Variants in PLCL1 observed in about 807,000 individuals in gnomAD.
PLCL1 encodes the protein inactive phospholipase C-like protein 1.
A neutral mutation model predicts 84.4 loss-of-function variants in PLCL1; 41 were observed. The observed-to-expected ratio is 0.49, with a 90% confidence interval of 0.38 to 0.63. PLCL1 has a LOEUF of 0.63. Among genes scored for constraint, PLCL1 ranks in the 30% least tolerant of loss-of-function variants. The pLI is 0.00. For missense variants in PLCL1, 1,206 were observed against 1,367.8 expected (o/e 0.88, Z 1.87); for synonymous variants, 490 against 488.3 (o/e 1.00, Z -0.05).
At chr2:198,056,977 A>C (rs1692085929) in intron 1 of PLCL1, among the ~76,000 whole-genome samples, 1 of 152,180 alleles carries the variant, frequency 6.6e-6, no homozygotes, top group African/African-American at 2.4e-5. Flanking sequence ...TTGAGGATAT[A>C]GCACATTTTG....
chr2:198,146,694 G>A lies in PLCL1; in HGVS notation c.3106-86G>A, dbSNP rs753079422. The A allele has an allele frequency of 2.8e-6, 3 of 1,078,660 alleles. No homozygotes were observed. The South Asian group carries it at 5.8e-5, about 21-fold the overall frequency. 66.8% of individuals were successfully genotyped at this position (1,078,660 alleles called of 1,614,324 possible). The stretch of plus-strand genomic sequence containing the variant: ...TGGGTCTGTTTCCTTATTCAGCAAT[G>A]GGCAGTAAGAACATAGAGTGATGTC... On this transcript the variant is annotated intron_variant, in intron 5 of 5. Coordinates refer to ENST00000428675, the MANE Select transcript of PLCL1 (RefSeq NM_006226.4).
chr2:197,965,570 A>AT (rs1689711841), intron 1 of PLCL1, among the ~76,000 whole-genome samples: 1 of 150,850 alleles, frequency 6.6e-6, no homozygotes, highest in African/African-American at 2.4e-5. Flanking sequence ...CATCTTCACT[A>AT]TTTTTTCCTG....
chr2:198,089,110 T>A (rs1194853152), intron 3 of PLCL1, 49 bp downstream of exon 3: 1 of 1,327,872 alleles, frequency 7.5e-7, no homozygotes, highest in East Asian at 2.3e-5. Context: ...GTGTGTGAAA[T>A]CACAAATAGC....
chr2:198,010,030 G>A (rs1690830532), intron 1 of PLCL1, among the ~76,000 whole-genome samples: 1 of 151,924 alleles, frequency 6.6e-6, no homozygotes, highest in Non-Finnish European at 1.5e-5. Flanking sequence ...CATCGATTTT[G>A]AATCCTGCAA....
At position 198,003,553 on chromosome 2, in the gene PLCL1, C is replaced by A. The variant is rs184238852; in HGVS notation, c.241-80205C>A. ...TGAACTCTTGCTTCTAGCTTTTAGACCTTCTACTTAAGACAGAAGAACTAT... is the reference window on the plus strand; with the variant it reads ...TGAACTCTTGCTTCTAGCTTTTAGAACTTCTACTTAAGACAGAAGAACTAT... On this transcript the variant is annotated intron_variant, in intron 1 of 5. Coordinates refer to ENST00000428675, the MANE Select transcript of PLCL1 (RefSeq NM_006226.4). 7.0e-4 allele frequency among the ~76,000 whole-genome samples: 106 copies of A among 152,310 alleles called. 1 individual carries two copies. The highest frequency in any genetic ancestry group is 5.8e-4 in the East Asian group (3 of 5,188).
rs61183744 is a variant in PLCL1, at chr2:197,886,411, C to CAAAA, written c.240+81110_240+81113dup. 9.3e-3 allele frequency among the ~76,000 whole-genome samples: 718 copies of CAAAA among 76,936 alleles called. 71 individuals are homozygous for CAAAA. The highest frequency in any genetic ancestry group is 0.021 in the East Asian group (29 of 1,350). 50.5% of individuals were successfully genotyped at this position (76,936 alleles called of 152,430 possible). ...TGGGCAACAGAATGAGACTCTGTCT[C>CAAAA]AAAAAAAAAAAAAAAAAAAAAAAAA... is the stretch of plus-strand genomic sequence containing the variant. On this transcript the variant is annotated intron_variant, in intron 1 of 5. Coordinates refer to ENST00000428675, the MANE Select transcript of PLCL1 (RefSeq NM_006226.4).
At chr2:198,011,829 G>T (rs1299970452) in intron 1 of PLCL1, among the ~76,000 whole-genome samples, 1 of 151,964 alleles carries the variant, frequency 6.6e-6, no homozygotes, top group Non-Finnish European at 1.5e-5. Flanking sequence ...TATCTTCCTG[G>T]TGAATTGACC....
intron 1 of PLCL1, among the ~76,000 whole-genome samples, chr2:197,977,362 G>T (rs552409881): frequency 1.3e-5 from 2 of 151,762 alleles, no homozygotes; most frequent in African/African-American, 4.8e-5. Flanking sequence ...TCCAGGGGCC[G>T]TGCAGAGACC....
chr2:198,112,307 G>A (rs1242099448), intron 5 of PLCL1, among the ~76,000 whole-genome samples: 1 of 151,836 alleles, frequency 6.6e-6, no homozygotes, highest in African/African-American at 2.4e-5. Context: ...CGGAAGCAAA[G>A]CAAAACAACA....
At chr2:197,914,398 C>A (rs187168878) in intron 1 of PLCL1, among the ~76,000 whole-genome samples, 3 of 151,010 alleles carry the variant, frequency 2.0e-5, no homozygotes, top group Admixed American at 2.0e-4. Flanking sequence ...GGCACAATCT[C>A]GGCTCACCTC....
chr2:197,937,988 G>T (rs558136267), intron 1 of PLCL1, among the ~76,000 whole-genome samples: 1 of 152,302 alleles, frequency 6.6e-6, no homozygotes, highest in Non-Finnish European at 1.5e-5. Context: ...AACAACCCAA[G>T]TCTGGAGATG....
chr2:197,819,163 A>G (rs975320553), intron 1 of PLCL1, among the ~76,000 whole-genome samples: 3 of 152,088 alleles, frequency 2.0e-5, no homozygotes, highest in Non-Finnish European at 2.9e-5. Flanking sequence ...AGGCCATCCT[A>G]TGGAGAGACC....
chr2:198,066,485 C>T (rs1692323006), intron 1 of PLCL1, among the ~76,000 whole-genome samples: 1 of 152,198 alleles, frequency 6.6e-6, no homozygotes, highest in Non-Finnish European at 1.5e-5. Flanking sequence ...ATCCACTTTT[C>T]TCTTGTTCTC....
chr2:197,905,523 T>A (rs930774340), intron 1 of PLCL1, among the ~76,000 whole-genome samples: 2 of 152,244 alleles, frequency 1.3e-5, no homozygotes, highest in Admixed American at 6.5e-5. Flanking sequence ...TGGTTCCAAG[T>A]CTTTGCTATT....
chr2:197,947,114 T>C (rs903653671), intron 1 of PLCL1, among the ~76,000 whole-genome samples: 1 of 152,006 alleles, frequency 6.6e-6, no homozygotes, highest in African/African-American at 2.4e-5. Flanking sequence ...AACATACGTT[T>C]TCATGGAGCT....
intron 1 of PLCL1, among the ~76,000 whole-genome samples, chr2:197,821,099 A>G (rs916464250): frequency 1.3e-4 from 20 of 152,192 alleles, no homozygotes; most frequent in Middle Eastern, 3.4e-3. Flanking sequence ...AGTTTTCTTC[A>G]AGTTCTCTTT....
chr2:197,917,250 A>C (rs1324566056), intron 1 of PLCL1, among the ~76,000 whole-genome samples: 1 of 152,230 alleles, frequency 6.6e-6, no homozygotes, highest in East Asian at 1.9e-4. Context: ...GAAACAACAA[A>C]AATGTCCTTT....
At chr2:197,824,587 G>A (rs982755365) in intron 1 of PLCL1, among the ~76,000 whole-genome samples, 3 of 151,778 alleles carry the variant, frequency 2.0e-5, no homozygotes, top group African/African-American at 7.3e-5. Context: ...GGTGGTGCAT[G>A]CCTATAGCTC....
intron 1 of PLCL1, among the ~76,000 whole-genome samples, chr2:197,902,050 G>GA (rs1030565727): frequency 1.3e-5 from 2 of 152,022 alleles, no homozygotes; most frequent in African/African-American, 2.4e-5. Context: ...TTTTTAGAGG[G>GA]AAAAAAGGAG....
Sources: gnomAD v4.1 joint callset for allele counts (sites outside exome capture counted in the v4.1 genomes callset) on GRCh38, gnomAD v4.1.1 for gene constraint, MANE v1.5 for transcripts, NCBI Gene and HGNC (gene_info 2026-07-23, HGNC 2026-07-21) for gene names.